Variants in UBE3D observed in about 807,000 individuals in gnomAD.
UBE3D encodes the protein E3 ubiquitin-protein ligase E3D.
Under a neutral mutation model 49.6 loss-of-function variants are expected in UBE3D, and 48 were observed. The observed-to-expected ratio is 0.97, with a 90% CI of 0.77 to 1.23. The LOEUF (loss-of-function observed/expected upper bound fraction) is 1.23, where lower values mean the gene tolerates loss of function less well. UBE3D is among the 50% of genes most tolerant of loss of function. The probability of loss-of-function intolerance (pLI) is 0.00; values close to 1 mark genes in which losing one functional copy is unlikely to be tolerated. For missense variants in UBE3D, 452 were observed against 468.4 expected (o/e 0.96, Z 0.32); for synonymous variants, 189 against 174.2 (o/e 1.08, Z -0.67).
Position 83,058,314 on chromosome 6 carries a change from G to A in UBE3D, c.78-292C>T, listed in dbSNP as rs192845655. Among the ~76,000 whole-genome samples, 21 of 152,216 alleles carry A rather than the reference G, an allele frequency of 1.4e-4. No homozygotes were observed. The East Asian group carries it at 4.1e-3, about 29-fold the overall frequency. On this transcript the variant is annotated intron_variant, in intron 1 of 9. Coordinates refer to ENST00000369747, the MANE Select transcript of UBE3D (RefSeq NM_198920.3). ...ATGTTTTATAGTAAATCAGAGCAAA[G>A]TACTGTTATTTCATATACAAGATTT...
the UBE3D span, among the ~76,000 whole-genome samples, chr6:82,884,219 C>CCCTAGA: frequency 1.3e-5 from 2 of 152,288 alleles, no homozygotes; most frequent in South Asian, 4.1e-4. Flanking sequence ...CCTTCTCCTT[C>CCCTAGA]CATCTATACC....
chr6:83,049,614 G>A (rs888625602), intron 3 of UBE3D: 1 of 319,818 alleles, frequency 3.1e-6, no homozygotes, highest in Non-Finnish European at 6.7e-6. Context: ...TGGATATCCT[G>A]ACATCTCATG....
chr6:82,927,428 A>C (rs1221552550), intron 9 of UBE3D, among the ~76,000 whole-genome samples: 2 of 151,992 alleles, frequency 1.3e-5, no homozygotes, highest in Non-Finnish European at 2.9e-5. Flanking sequence ...GATTGCATGG[A>C]ATCTATGGGT....
chr6:82,968,207 T>C (rs962457950), intron 8 of UBE3D, among the ~76,000 whole-genome samples: 5 of 152,182 alleles, frequency 3.3e-5, no homozygotes, highest in Non-Finnish European at 7.4e-5. Flanking sequence ...AATCAAGTTT[T>C]TGTATTTTTA....
At chr6:83,025,912 T>C (rs1388483856) in intron 5 of UBE3D, among the ~76,000 whole-genome samples, 1 of 139,700 alleles carries the variant, frequency 7.2e-6, no homozygotes, top group African/African-American at 2.7e-5. Flanking sequence ...AAAAGAAAAA[T>C]TGTGTATGTA....
rs377167631 is a variant in UBE3D, at chr6:83,021,503, G to GAA, written c.846+948_846+949dup. On this transcript the variant is annotated intron_variant, in intron 7 of 9. Coordinates refer to ENST00000369747, the MANE Select transcript of UBE3D (RefSeq NM_198920.3). The stretch of plus-strand genomic sequence containing the variant: ...TTCTAAACATAAGAGTACTAAATAG[G>GAA]AAAAAAAAAAAAGTGGGACAGAATA... 9.2e-5 allele frequency among the ~76,000 whole-genome samples: 13 copies of GAA among 140,934 alleles called. No homozygotes were observed. The East Asian group carries it at 1.7e-3, about 18-fold the overall frequency. The allele number at this position is 140,934 out of a possible 152,430, so 92.5% of individuals were successfully genotyped here.
chr6:82,904,587 G>C (rs1351134821), intron 9 of UBE3D, among the ~76,000 whole-genome samples: 1 of 152,216 alleles, frequency 6.6e-6, no homozygotes, highest in Admixed American at 6.5e-5. Context: ...TGGCACAGAT[G>C]AGGCCTTTGA....
intron 8 of UBE3D, among the ~76,000 whole-genome samples, chr6:83,014,599 G>C (rs1780565040): frequency 6.6e-6 from 1 of 152,068 alleles, no homozygotes; most frequent in Admixed American, 6.5e-5. Flanking sequence ...ATGATGTTTT[G>C]GGTCCCCTGG....
intron 1 of UBE3D, among the ~76,000 whole-genome samples, chr6:83,062,221 G>C (rs1437010017): frequency 6.6e-6 from 1 of 152,140 alleles, no homozygotes; most frequent in Non-Finnish European, 1.5e-5. Flanking sequence ...TTTGGCACTA[G>C]AGTAAGAACA....
At chr6:82,983,121 G>C (rs1024754756) in intron 8 of UBE3D, among the ~76,000 whole-genome samples, 1 of 150,838 alleles carries the variant, frequency 6.6e-6, no homozygotes, top group South Asian at 2.1e-4. Flanking sequence ...AAAGTGCTGG[G>C]ATTACAGGCA....
chr6:82,981,686 CAT>C (rs1778131573), intron 8 of UBE3D, among the ~76,000 whole-genome samples: 1 of 151,914 alleles, frequency 6.6e-6, no homozygotes, highest in African/African-American at 2.4e-5. Flanking sequence ...ACGTTTACAA[CAT>C]AATTTCTCTG....
intron 9 of UBE3D, among the ~76,000 whole-genome samples, chr6:82,903,140 G>C (rs1771857563): frequency 6.6e-6 from 1 of 152,058 alleles, no homozygotes; most frequent in South Asian, 2.1e-4. Flanking sequence ...TAGTGCAGTT[G>C]AAATGATGCA....
At chr6:82,972,027 A>T (rs1777389177) in intron 8 of UBE3D, among the ~76,000 whole-genome samples, 2 of 152,242 alleles carry the variant, frequency 1.3e-5, no homozygotes, top group South Asian at 4.1e-4. Flanking sequence ...ATAGATGGTG[A>T]AACCACATCT....
At chr6:83,048,021 G>A (rs1198161637) in intron 3 of UBE3D, among the ~76,000 whole-genome samples, 2 of 134,134 alleles carry the variant, frequency 1.5e-5, no homozygotes, top group African/African-American at 5.6e-5. Context: ...GGCGGAGCTT[G>A]CAGTGAGCCG....
At chr6:82,888,748 T>G (rs1218187487), downstream of UBE3D, among the ~76,000 whole-genome samples, 3 of 152,212 alleles carry the variant, frequency 2.0e-5, no homozygotes, top group African/African-American at 7.2e-5. Context: ...TATTCCAGAA[T>G]GGAAATAGGG....
At chr6:82,908,314 G>A (rs1772250548) in intron 9 of UBE3D, among the ~76,000 whole-genome samples, 1 of 152,090 alleles carries the variant, frequency 6.6e-6, no homozygotes, top group South Asian at 2.1e-4. Flanking sequence ...GCAATGCGTG[G>A]AGACATTTTT....
At chr6:83,009,422 C>A (rs549497045) in intron 8 of UBE3D, among the ~76,000 whole-genome samples, 1 of 151,524 alleles carries the variant, frequency 6.6e-6, no homozygotes, top group Non-Finnish European at 1.5e-5. Context: ...ACAGAGATGG[C>A]CCTGGTTCAC....
chr6:83,019,703 G>A (rs1780949942), intron 7 of UBE3D, among the ~76,000 whole-genome samples: 1 of 152,172 alleles, frequency 6.6e-6, no homozygotes, highest in Non-Finnish European at 1.5e-5. Flanking sequence ...AAGGAAATGG[G>A]ATAAGGCAGG....
rs1414076285 is a variant in UBE3D at position 83,065,708 on chromosome 6, G to T, written c.11C>A (p.Ser4Tyr). The change falls in exon 1 of 10, where the codon TCT becomes TAT. Residue 4 changes from serine to tyrosine, a missense_variant. By Grantham distance (144) the Ser-to-Tyr change is moderately radical (BLOSUM62 -2). Transcript: ENST00000369747. MAA[S>Y]AAETRVFLEV... ...CAGAAACACGCGCGTCTCCGCCGCAGAAGCCGCCATGGCAGGCTTCCAGTC... is the reference window on the plus strand; with the variant it reads ...CAGAAACACGCGCGTCTCCGCCGCATAAGCCGCCATGGCAGGCTTCCAGTC... The T allele has an allele frequency of 6.2e-7, 1 of 1,611,124 alleles. No individual in the cohort carries two copies. The highest frequency in any genetic ancestry group is 2.2e-5 in the East Asian group (1 of 44,610).
Sources: allele counts gnomAD v4.1 joint callset (sites outside exome capture counted in the v4.1 genomes callset), GRCh38; gene constraint gnomAD v4.1.1; transcripts MANE v1.5; gene names NCBI Gene and HGNC (gene_info 2026-07-23, HGNC 2026-07-21).